The following SETD3 variants were observed in gnomAD, a reference collection of about 807,000 sequenced individuals.
SETD3 encodes the protein actin-histidine N-methyltransferase.
A neutral mutation model predicts 63.0 loss-of-function variants in SETD3; 19 were observed. The observed-to-expected ratio is 0.30, with a 90% confidence interval of 0.21 to 0.44. SETD3 has a LOEUF of 0.44. SETD3 is among the 20% of genes least tolerant of loss of function. The pLI is 1.00. For synonymous variants in SETD3, 286 were observed against 264.1 expected, an observed-to-expected ratio of 1.08 and a Z score of -0.80; for missense variants, 587 against 728.5, an observed-to-expected ratio of 0.81 and a Z score of 2.24.
At chr14:99,401,847 C>CAG (rs1277374437) in intron 11 of SETD3, among the ~76,000 whole-genome samples, 1 of 152,164 alleles carries the variant, frequency 6.6e-6, no homozygotes, top group African/African-American at 2.4e-5. Context: ...ATGGAAGCTG[C>CAG]AGGTGTGCGG....
chr14:99,453,726 T>C (rs1894594212), intron 6 of SETD3, among the ~76,000 whole-genome samples: 1 of 151,706 alleles, frequency 6.6e-6, no homozygotes, highest in South Asian at 2.1e-4. Flanking sequence ...CTCAGGAGGC[T>C]GAGGCAGGAG....
In SETD3 at chr14:99,463,630, T is replaced by G. The variant is rs775304099; in HGVS notation, c.104-52A>C. 3.6e-6 allele frequency: 5 copies of G among 1,408,428 alleles called. No individual in the cohort carries two copies. In the African/African-American group the frequency reaches 7.1e-5, roughly 20 times the overall value. 87.2% of individuals were successfully genotyped at this position (1,408,428 alleles called of 1,614,324 possible). A position where few individuals can be genotyped will look rare whatever the true frequency, so the allele number is the denominator to read the frequency against. ...AACACTTCTCTCTTTCAACTTAACC[T>G]ACTAGTCTGCACAAGAAAGAGGATT... On this transcript the variant is annotated intron_variant, in intron 2 of 12. Transcript: ENST00000331768.
intron 6 of SETD3, among the ~76,000 whole-genome samples, chr14:99,444,015 G>A (rs1408811457): frequency 6.6e-6 from 1 of 152,114 alleles, no homozygotes; most frequent in African/African-American, 2.4e-5. Context: ...CTCCCACGCA[G>A]CCAGGTTGAC....
chr14:99,420,996 A>C, intron 6 of SETD3, among the ~76,000 whole-genome samples: 2 of 96,338 alleles, frequency 2.1e-5, no homozygotes, highest in African/African-American at 4.1e-5. Context: ...CAGACAAGCT[A>C]CTGCTGTCTT....
rs775279149 is a variant in SETD3 at position 99,398,660 on chromosome 14, C to G, written c.*19G>C. 6.2e-7 allele frequency: 1 copy of G among 1,603,650 alleles called. No homozygotes were observed. Among genetic ancestry groups the G allele is most frequent in the South Asian group, 1.1e-5 (1 of 90,626 alleles). On this transcript the variant is annotated 3_prime_UTR_variant, in exon 13 of 13. Coordinates refer to ENST00000331768, the MANE Select transcript of SETD3 (RefSeq NM_032233.3). ...TCAACTCCTGCTCCACTGGATCCCCCATCCAGCTTCACCTCGAGCTACTCC... is the reference window on the plus strand; with the variant it reads ...TCAACTCCTGCTCCACTGGATCCCCGATCCAGCTTCACCTCGAGCTACTCC...
intron 6 of SETD3, among the ~76,000 whole-genome samples, chr14:99,443,105 G>A (rs1893925084): frequency 6.6e-6 from 1 of 152,112 alleles, no homozygotes; most frequent in Non-Finnish European, 1.5e-5. Flanking sequence ...CTGTGAAGCT[G>A]GACGTGAACA....
intron 5 of SETD3, among the ~76,000 whole-genome samples, 189 bp downstream of exon 5, chr14:99,458,921 AAAT>A (rs764524514): frequency 4.6e-5 from 7 of 152,100 alleles, no homozygotes; most frequent in Admixed American, 2.0e-4. Flanking sequence ...CCTATCTCAA[AAAT>A]AATAATAATA....
At chr14:99,472,745 AT>A (rs1895771474) in intron 1 of SETD3, among the ~76,000 whole-genome samples, 1 of 152,200 alleles carries the variant, frequency 6.6e-6, no homozygotes, top group African/African-American at 2.4e-5. Context: ...TAACTCAAAA[AT>A]TTTTTTCCAC....
At chr14:99,421,512 C>CT (rs1375844689) in intron 6 of SETD3, among the ~76,000 whole-genome samples, 1 of 152,024 alleles carries the variant, frequency 6.6e-6, no homozygotes, top group East Asian at 1.9e-4. Context: ...TATAAGGTAA[C>CT]TGACATTCAG....
rs1894879903 is a variant in SETD3, at chr14:99,458,396, A to G, written c.558T>C (p.Pro186=). 1 of 1,614,014 alleles carries G rather than the reference A, an allele frequency of 6.2e-7. No homozygotes were observed. ...IQTLPSEYDT[P]LYFEEDEVRY... ...GAACTTCATCTTCTTCAAAGTAGAG[A>G]GGAGTGTCATATTCACTGGGGAGGG... The change falls in exon 6 of 13, where the codon CCT becomes CCC. Residue 186 remains proline (P), a synonymous_variant. Coordinates refer to ENST00000331768, the MANE Select transcript of SETD3 (RefSeq NM_032233.3).
intron 6 of SETD3, among the ~76,000 whole-genome samples, chr14:99,428,554 G>C (rs955186926): frequency 1.1e-4 from 16 of 152,186 alleles, no homozygotes; most frequent in African/African-American, 3.9e-4. Context: ...GCTGAGGTGG[G>C]AGGATTGTTT....
intron 4 of SETD3, 145 bp downstream of exon 4, chr14:99,461,047 C>T (rs1448953413): frequency 2.1e-6 from 2 of 944,354 alleles, no homozygotes; most frequent in East Asian, 2.5e-5. Context: ...AACATGAGCC[C>T]AAGGCCCTTC....
At chr14:99,475,352 C>T (rs1240209090) in intron 1 of SETD3, among the ~76,000 whole-genome samples, 1 of 152,232 alleles carries the variant, frequency 6.6e-6, no homozygotes, top group Non-Finnish European at 1.5e-5. Context: ...GGATATAAGA[C>T]AGGCAGGACA....
intron 1 of SETD3, among the ~76,000 whole-genome samples, chr14:99,480,069 G>A (rs1272402387): frequency 6.6e-6 from 1 of 152,254 alleles, no homozygotes; most frequent in Non-Finnish European, 1.5e-5. Context: ...GGCACTGCGC[G>A]TGTGGAGCAC....
At chr14:99,428,352 A>G (rs1173928447) in intron 6 of SETD3, among the ~76,000 whole-genome samples, 1 of 152,162 alleles carries the variant, frequency 6.6e-6, no homozygotes, top group Non-Finnish European at 1.5e-5. Flanking sequence ...AATCAAAACA[A>G]GTGGTGGAGG....
intron 1 of SETD3, among the ~76,000 whole-genome samples, chr14:99,477,716 C>A (rs1346465455): frequency 6.8e-6 from 1 of 147,194 alleles, no homozygotes; most frequent in Non-Finnish European, 1.5e-5. Context: ...ACATTGCACT[C>A]CAGCCTCGGC....
chr14:99,455,269 T>A (rs1894693733), intron 6 of SETD3, among the ~76,000 whole-genome samples: 2 of 152,196 alleles, frequency 1.3e-5, no homozygotes, highest in South Asian at 4.1e-4. Flanking sequence ...GTCCCCCAGC[T>A]AACACGGAGA....
At chr14:99,431,537 G>A (rs1268531397) in intron 6 of SETD3, among the ~76,000 whole-genome samples, 1 of 151,962 alleles carries the variant, frequency 6.6e-6, no homozygotes, top group Admixed American at 6.5e-5. Flanking sequence ...TGTTGCCCAG[G>A]CTGGAGTGCA....
At chr14:99,477,801 AAT>A (rs1896051687) in intron 1 of SETD3, among the ~76,000 whole-genome samples, 1 of 150,182 alleles carries the variant, frequency 6.7e-6, no homozygotes, top group Non-Finnish European at 1.5e-5. Context: ...AAAATATATT[AAT>A]ATATATTAAT....
Sources: gnomAD v4.1 joint callset for allele counts (sites outside exome capture counted in the v4.1 genomes callset) on GRCh38, gnomAD v4.1.1 for gene constraint, MANE v1.5 for transcripts, NCBI Gene and HGNC (gene_info 2026-07-23, HGNC 2026-07-21) for gene names.